Variants in CXorf58 observed in about 807,000 individuals in gnomAD.
CXorf58 encodes the protein chromosome X open reading frame 58, also known as uncharacterized protein CXorf58.
In CXorf58, 24 loss-of-function variants were observed where a neutral mutation model predicts 26.0. The observed-to-expected ratio is 0.92, with a 90% CI of 0.67 to 1.30. The LOEUF is 1.30. Ranked by LOEUF, CXorf58 falls within the 50% of genes most tolerant of loss-of-function variation. The pLI, the probability that CXorf58 is intolerant of heterozygous loss-of-function variation, is 0.00. For synonymous variants in CXorf58, 87 were observed against 86.1 expected, an observed-to-expected ratio of 1.01 and a Z score of -0.06; for missense variants, 236 against 263.9, an observed-to-expected ratio of 0.89 and a Z score of 0.73.
intron 3 of CXorf58, 95 bp from the exon 4 acceptor site, chrX:23,915,605 T>A: frequency 2.1e-6 from 1 of 486,713 alleles, no homozygotes; most frequent in Non-Finnish European, 3.5e-6. Context: ...AAGTCCAGCA[T>A]AATGTTCACT....
chrX:23,929,417 AAAAAAG>A lies in CXorf58; in HGVS notation c.555+2059_555+2064del, dbSNP rs1422938728. On this transcript the variant is annotated intron_variant, in intron 6 of 8. Transcript: ENST00000379211. Reference sequence around the variant, plus strand: ...TGAGACTGTGTCTCAAAAAAAAAAAAAAAAAGAAAAAGAAAAAAAAAGAAAAACCAG... The same window carrying A: ...TGAGACTGTGTCTCAAAAAAAAAAAAAAAAAGAAAAAAAAAGAAAAACCAG... Among the ~76,000 whole-genome samples, 105 of 88,736 alleles carry A rather than the reference AAAAAAG, an allele frequency of 1.2e-3. 2 individuals are homozygous for A. The highest frequency in any genetic ancestry group is 3.6e-3 in the African/African-American group (103 of 28,305). The allele number at this position is 88,736 out of a possible 115,157, so 77.1% of individuals were successfully genotyped here.
Position 23,910,283 on chromosome X carries a change from A to G in CXorf58, c.-20A>G, listed in dbSNP as rs1927537893. The G allele has an allele frequency of 1.0e-6, 1 of 998,919 alleles. No homozygotes were observed. The highest frequency in any genetic ancestry group is 1.9e-5 in the African/African-American group (1 of 53,271). The allele number at this position is 998,919 out of a possible 1,213,427, so 82.3% of individuals were successfully genotyped here. A position where few individuals can be genotyped will look rare whatever the true frequency, so the allele number is the denominator to read the frequency against. ...AAAGGGTTAATTTATGTACTTTCAG[A>G]TTACTTCATTGGAGGGAAAATGAAT... On this transcript the variant is annotated splice_region_variant and 5_prime_UTR_variant, in exon 2 of 9. Transcript: ENST00000379211.
intron 1 of CXorf58, 101 bp from the exon 2 acceptor site, chrX:23,910,182 G>C: frequency 7.2e-6 from 3 of 419,281 alleles, no homozygotes; most frequent in Non-Finnish European, 8.2e-6. Context: ...CCTTTTTAAA[G>C]GATTCAGAAT....
intron 6 of CXorf58, among the ~76,000 whole-genome samples, chrX:23,933,264 T>C (rs1928210567): frequency 9.0e-6 from 1 of 111,267 alleles, no homozygotes; most frequent in South Asian, 3.8e-4. Flanking sequence ...TCTGTGTGTG[T>C]GTGTTTGAAA....
intron 3 of CXorf58, among the ~76,000 whole-genome samples, chrX:23,914,675 C>T (rs1409978295): frequency 9.6e-6 from 1 of 104,219 alleles, no homozygotes; most frequent in African/African-American, 3.5e-5. Flanking sequence ...CACCTGAAGT[C>T]GGGAGCTCGA....
At chrX:23,918,690 T>C (rs1426818109) in intron 5 of CXorf58, among the ~76,000 whole-genome samples, 1 of 112,052 alleles carries the variant, frequency 8.9e-6, no homozygotes, top group Non-Finnish European at 1.9e-5. Context: ...CTCAGATTTC[T>C]TATTGTTTAT....
Position 23,935,279 on chromosome X carries a change from C to G in CXorf58, c.639C>G (p.Pro213=). Reference sequence around the variant, plus strand: ...GCAAATTAAATCTTGAAAATATTCCCAGGACAATGCTAATGTATGACATAG... The same window carrying G: ...GCAAATTAAATCTTGAAAATATTCCGAGGACAATGCTAATGTATGACATAG... ...SWRKLNLENI[P]RTMLMYDIVH... Residue 213 remains proline, a synonymous_variant, in exon 7 of 9, where the codon CCC becomes CCG. Transcript: ENST00000379211. 1 of 1,208,737 alleles carries G rather than the reference C, an allele frequency of 8.3e-7. No individual in the cohort carries two copies. Among genetic ancestry groups the G allele is most frequent in the Non-Finnish European group, 1.1e-6 (1 of 892,827 alleles).
At chrX:23,930,603 C>CAA (rs35152285) in intron 6 of CXorf58, among the ~76,000 whole-genome samples, 114 of 76,018 alleles carry the variant, frequency 1.5e-3, no homozygotes, top group Non-Finnish European at 2.0e-3. Flanking sequence ...GACCCTGTCT[C>CAA]AAAAAAAAAA....
intron 6 of CXorf58, among the ~76,000 whole-genome samples, chrX:23,931,480 A>T (rs1488707118): frequency 8.9e-6 from 1 of 112,101 alleles, no homozygotes; most frequent in Non-Finnish European, 1.9e-5. Context: ...GCCTCAAAAA[A>T]ACTTGCCTGA....
intron 5 of CXorf58, among the ~76,000 whole-genome samples, chrX:23,925,528 A>C (rs1419945302): frequency 9.2e-6 from 1 of 108,572 alleles, no homozygotes; most frequent in Non-Finnish European, 1.9e-5. Context: ...TTGTATTTTT[A>C]GTAGAAAAAG....
chrX:23,915,829 C>T, intron 4 of CXorf58, 35 bp downstream of exon 4: 1 of 807,713 alleles, frequency 1.2e-6, no homozygotes, highest in Non-Finnish European at 1.8e-6. Flanking sequence ...TCAAGAAGTA[C>T]TTAGTTAATA....
intron 1 of CXorf58, among the ~76,000 whole-genome samples, chrX:23,909,340 A>T (rs1487053141): frequency 9.0e-6 from 1 of 110,850 alleles, no homozygotes; most frequent in Non-Finnish European, 1.9e-5. Flanking sequence ...AGTAGTATTA[A>T]CATTGATGAC....
intron 6 of CXorf58, among the ~76,000 whole-genome samples, chrX:23,929,361 G>A (rs1341910163): frequency 9.8e-6 from 1 of 101,638 alleles, no homozygotes; most frequent in East Asian, 3.0e-4. Context: ...AGCCGAAATT[G>A]CGCCACTGCA....
intron 5 of CXorf58, among the ~76,000 whole-genome samples, chrX:23,919,797 A>T (rs373098462): frequency 1.8e-5 from 2 of 112,691 alleles, no homozygotes; most frequent in East Asian, 5.5e-4. Context: ...AAGGCTTTCC[A>T]AGTATTCAAA....
At chrX:23,921,007 C>G (rs1248780639) in intron 5 of CXorf58, among the ~76,000 whole-genome samples, 4 of 110,687 alleles carry the variant, frequency 3.6e-5, no homozygotes, top group Non-Finnish European at 7.6e-5. Context: ...ATATGTTTAT[C>G]CTACTTGAAG....
chrX:23,935,180 T>TG lies in CXorf58; in HGVS notation c.556-15dup, dbSNP rs761274660. The TG allele has an allele frequency of 3.4e-6, 4 of 1,183,729 alleles. No individual in the cohort carries two copies. In the Admixed American group the frequency reaches 8.8e-5, roughly 26 times the overall value. ...CGCACCTGGCCAACTTAATCGTTCTTGTTTTTTCCCTACAGTATCGCAGTT... is the reference window on the plus strand; with the variant it reads ...CGCACCTGGCCAACTTAATCGTTCTTGGTTTTTTCCCTACAGTATCGCAGTT... On this transcript the variant is annotated splice_polypyrimidine_tract_variant and intron_variant, in intron 6 of 8. Coordinates refer to ENST00000379211, the MANE Select transcript of CXorf58 (RefSeq NM_152761.3).
chrX:23,925,646 C>T, intron 5 of CXorf58, among the ~76,000 whole-genome samples: 1 of 109,521 alleles, frequency 9.1e-6, no homozygotes, highest in Non-Finnish European at 1.9e-5. Context: ...CCGTGCCTGG[C>T]CTCAACCACT....
intron 3 of CXorf58, among the ~76,000 whole-genome samples, chrX:23,914,432 C>T (rs978039777): frequency 3.6e-5 from 4 of 111,805 alleles, no homozygotes; most frequent in East Asian, 2.8e-4. Flanking sequence ...ATAGGCATAA[C>T]GGGGTTGGTT....
At chrX:23,935,559 G>A (rs529143167) in intron 7 of CXorf58, 134 bp downstream of exon 7, 5 of 475,433 alleles carry the variant, frequency 1.1e-5, no homozygotes, top group African/African-American at 4.8e-5. Context: ...CAAAACGTAT[G>A]CAATTTTGTA....
Sources: gnomAD v4.1 joint callset for allele counts (sites outside exome capture counted in the v4.1 genomes callset) on GRCh38, gnomAD v4.1.1 for gene constraint, MANE v1.5 for transcripts, NCBI Gene and HGNC (gene_info 2026-07-23, HGNC 2026-07-21) for gene names.